Variants in SHISA6 observed in about 807,000 individuals in gnomAD.
SHISA6 encodes protein shisa-6.
Under a neutral mutation model 47.9 loss-of-function variants are expected in SHISA6, and 22 were observed. That is an observed-to-expected ratio of 0.46 (90% CI 0.33 to 0.66). The LOEUF is 0.66. Among genes scored for constraint, SHISA6 ranks in the 30% least tolerant of loss-of-function variants. SHISA6 has a pLI of 0.02. For missense variants in SHISA6, 680 were observed against 764.6 expected (o/e 0.89, Z 1.30); for synonymous variants, 388 against 337.8 (o/e 1.15, Z -1.63).
intron 3 of SHISA6, among the ~76,000 whole-genome samples, chr17:11,479,599 C>T (rs945138224): frequency 3.3e-5 from 5 of 151,300 alleles, no homozygotes; most frequent in Non-Finnish European, 5.9e-5. Flanking sequence ...GCATGTTCTG[C>T]ACATGTACCC....
intron 3 of SHISA6, among the ~76,000 whole-genome samples, chr17:11,525,631 C>CAAAAAAAAAAAAAAAAA (rs548619604): frequency 1.7e-5 from 1 of 58,906 alleles, no homozygotes; most frequent in Non-Finnish European, 3.0e-5. Context: ...GACTCCGTCT[C>CAAAAAAAAAAAAAAAAA]AAAAAAAAAA....
At chr17:11,523,057 T>C (rs2071644058) in intron 3 of SHISA6, among the ~76,000 whole-genome samples, 1 of 152,176 alleles carries the variant, frequency 6.6e-6, no homozygotes, top group African/African-American at 2.4e-5. Context: ...TCTTAGCAGA[T>C]GTTTAGTCTT....
At chr17:11,556,195 G>C (rs1019328) in intron 5 of SHISA6, among the ~76,000 whole-genome samples, 61,132 of 151,594 alleles carry the variant, frequency 0.4, 12,767 homozygotes, top group African/African-American at 0.51. Context: ...AGTCCCGCAC[G>C]CAACTGCCTT....
At chr17:11,378,028 C>A (rs1202807791) in intron 2 of SHISA6, among the ~76,000 whole-genome samples, 1 of 152,216 alleles carries the variant, frequency 6.6e-6, no homozygotes, top group Non-Finnish European at 1.5e-5. Context: ...CATGCATTAG[C>A]TGTCTGTTCT....
chr17:11,424,538 C>T (rs866479892), intron 3 of SHISA6, among the ~76,000 whole-genome samples: 2 of 151,616 alleles, frequency 1.3e-5, no homozygotes, highest in South Asian at 4.2e-4. Flanking sequence ...TATTGGCCTG[C>T]AATTATAAAG....
At chr17:11,262,400 A>T (rs1366841122) in intron 1 of SHISA6, among the ~76,000 whole-genome samples, 1 of 152,122 alleles carries the variant, frequency 6.6e-6, no homozygotes, top group African/African-American at 2.4e-5. Flanking sequence ...ATCTGAAGTG[A>T]CAGTATCCAG....
At chr17:11,292,989 T>TAATTTTTG in intron 2 of SHISA6, among the ~76,000 whole-genome samples, 1 of 152,052 alleles carries the variant, frequency 6.6e-6, no homozygotes, top group East Asian at 1.9e-4. Flanking sequence ...CACACCTGGC[T>TAATTTTTG]AATTTTTGTA....
rs1456815399 is a variant in SHISA6 at position 11,560,041 on chromosome 17, A to C, written c.*1737A>C. Reference sequence around the variant, plus strand: ...GGGTTTTACCTGCCCTCAGTTCTGCACTCATGGCCCTTTAAAAAGGCGAGT... The same window carrying C: ...GGGTTTTACCTGCCCTCAGTTCTGCCCTCATGGCCCTTTAAAAAGGCGAGT... On this transcript the variant is annotated 3_prime_UTR_variant, in exon 6 of 6. Coordinates refer to ENST00000441885, the MANE Select transcript of SHISA6 (RefSeq NM_207386.4). 6.6e-6 allele frequency: 1 copy of C among 152,214 alleles called. No individual in the cohort carries two copies. The highest frequency in any genetic ancestry group is 1.5e-5 in the Non-Finnish European group (1 of 68,048). The allele number at this position is 152,214 out of a possible 1,614,324, so 9.4% of individuals were successfully genotyped here.
chr17:11,265,860 T>G (rs185583717), intron 2 of SHISA6, among the ~76,000 whole-genome samples: 54 of 152,338 alleles, frequency 3.5e-4, no homozygotes, highest in African/African-American at 1.3e-3. Context: ...TTCTGGTTTC[T>G]GTATACCTCG....
At chr17:11,346,465 C>G (rs1911701890) in intron 2 of SHISA6, among the ~76,000 whole-genome samples, 1 of 152,136 alleles carries the variant, frequency 6.6e-6, no homozygotes, top group Non-Finnish European at 1.5e-5. Context: ...TAAGTGAACT[C>G]TCAGAGATTT....
chr17:11,292,687 G>A (rs1341404840), intron 2 of SHISA6, among the ~76,000 whole-genome samples: 5 of 151,950 alleles, frequency 3.3e-5, no homozygotes, highest in South Asian at 4.2e-4. Flanking sequence ...CAGTGGTGGC[G>A]GGCAGGGGGT....
At chr17:11,429,567 G>T (rs903669747) in intron 3 of SHISA6, among the ~76,000 whole-genome samples, 2 of 151,264 alleles carry the variant, frequency 1.3e-5, no homozygotes, top group Non-Finnish European at 2.9e-5. Context: ...GATCTCCTGA[G>T]GTTGGGAGTT....
chr17:11,401,106 C>CT (rs1230809599), intron 3 of SHISA6, among the ~76,000 whole-genome samples: 6 of 152,222 alleles, frequency 3.9e-5, no homozygotes, highest in Admixed American at 3.9e-4. Context: ...TAGGCCTTAC[C>CT]TGGGAACTCT....
At chr17:11,412,344 G>C (rs1914145489) in intron 3 of SHISA6, among the ~76,000 whole-genome samples, 1 of 152,088 alleles carries the variant, frequency 6.6e-6, no homozygotes, top group Non-Finnish European at 1.5e-5. Flanking sequence ...TGGGGAAAAT[G>C]GCACAGTGTT....
chr17:11,550,463 A>G (rs1016680847), intron 3 of SHISA6, among the ~76,000 whole-genome samples: 2 of 152,150 alleles, frequency 1.3e-5, no homozygotes, highest in Non-Finnish European at 2.9e-5. Context: ...TGTCTTGGAA[A>G]TTGAGAGTGG....
chr17:11,410,798 C>G (rs1464777347), intron 3 of SHISA6, among the ~76,000 whole-genome samples: 4 of 152,092 alleles, frequency 2.6e-5, no homozygotes, highest in Admixed American at 2.6e-4. Context: ...CAGTACCACC[C>G]CAGGCCCACT....
chr17:11,292,004 A>G (rs1043668050), intron 2 of SHISA6, among the ~76,000 whole-genome samples: 4 of 152,314 alleles, frequency 2.6e-5, no homozygotes, highest in East Asian at 1.9e-4. Context: ...GTTACCTCAC[A>G]TACCCATCAT....
At chr17:11,330,439 T>G (rs1371540771) in intron 2 of SHISA6, among the ~76,000 whole-genome samples, 1 of 151,072 alleles carries the variant, frequency 6.6e-6, no homozygotes. Flanking sequence ...TAGTCAGCAA[T>G]AAGGTTGGCA....
chr17:11,463,293 G>C (rs568866045), intron 3 of SHISA6, among the ~76,000 whole-genome samples: 8 of 152,292 alleles, frequency 5.3e-5, no homozygotes, highest in African/African-American at 1.7e-4. Flanking sequence ...TTGGCATATA[G>C]CCAGCGCTCA....
Sources: gnomAD v4.1 joint callset for allele counts (sites outside exome capture counted in the v4.1 genomes callset) on GRCh38, gnomAD v4.1.1 for gene constraint, MANE v1.5 for transcripts, NCBI Gene and HGNC (gene_info 2026-07-23, HGNC 2026-07-21) for gene names.